Variants in DLGAP4 observed in about 807,000 individuals in gnomAD.
DLGAP4 encodes the protein disks large-associated protein 4.
In DLGAP4, 18 loss-of-function variants were observed where a neutral mutation model predicts 86.9. The observed-to-expected ratio is 0.21, with a 90% CI of 0.14 to 0.31. The LOEUF is 0.31. Among genes scored for constraint, DLGAP4 ranks in the 10% least tolerant of loss-of-function variants. The probability of loss-of-function intolerance (pLI) is 1.00; values close to 1 mark genes in which losing one functional copy is unlikely to be tolerated. For missense variants in DLGAP4, 1,085 were observed against 1,362.6 expected (o/e 0.80, Z 3.21); for synonymous variants, 548 against 574.3 (o/e 0.95, Z 0.65).
At position 36,308,816 on chromosome 20, in the gene DLGAP4, A is replaced by C. The variant is rs1569449679; in HGVS notation, c.-304+2304A>C. On this transcript the variant is annotated intron_variant, in intron 1 of 12. Transcript: ENST00000339266. The surrounding 1 kb of genome is among the most constrained non-coding windows in gnomAD (Gnocchi z 4.5). ...AAGCATTAGAAAATCGCATTTGCTA[A>C]CATCAGTGCATTTGAACACTTTCAT... 1.3e-5 allele frequency among the ~76,000 whole-genome samples: 2 copies of C among 152,224 alleles called. No homozygotes were observed. The highest frequency in any genetic ancestry group is 4.8e-5 in the African/African-American group (2 of 41,454).
intron 2 of DLGAP4, among the ~76,000 whole-genome samples, chr20:36,396,352 CATACCACACGCACATA>C (rs2031957319): frequency 7.3e-6 from 1 of 137,882 alleles, no homozygotes; most frequent in Non-Finnish European, 1.6e-5. Flanking sequence ...CACACACACA[CATACCACACGCACATA>C]CACACACCCC....
At chr20:36,388,124 A>T (rs548294797) in intron 2 of DLGAP4, among the ~76,000 whole-genome samples, 55 of 152,324 alleles carry the variant, frequency 3.6e-4, no homozygotes, top group Non-Finnish European at 6.9e-4. Flanking sequence ...TCCCTTGGCT[A>T]TTGAGAACTG....
intron 7 of DLGAP4, chr20:36,461,751 G>GCCCCCCC: frequency 1.6e-6 from 1 of 618,852 alleles, no homozygotes; most frequent in Non-Finnish European, 1.9e-6. Context: ...CCGTCCGTCC[G>GCCCCCCC]CCCGCCCGCC....
chr20:36,346,614 G>T (rs1003622670), intron 1 of DLGAP4, among the ~76,000 whole-genome samples: 1 of 152,104 alleles, frequency 6.6e-6, no homozygotes, highest in Non-Finnish European at 1.5e-5. Flanking sequence ...AAGTAGGTGG[G>T]ATTTATCTGG....
Position 36,381,724 on chromosome 20 carries a change from CT to C in DLGAP4, c.-73+14451del, listed in dbSNP as rs2147445399. On this transcript the variant is annotated intron_variant, in intron 2 of 12. Transcript: ENST00000339266. ...CCTTCCCCGGGCTTCCATTTCCTTA[CT>C]TATATGACAGGTATGATGGGTCCTG... is the stretch of plus-strand genomic sequence containing the variant. Among the ~76,000 whole-genome samples the C allele has an allele frequency of 1.3e-5, 2 of 152,234 alleles. 1 individual carries two copies. The highest frequency in any genetic ancestry group is 4.8e-5 in the African/African-American group (2 of 41,538).
chr20:36,467,983 A>G (rs2034492709), intron 7 of DLGAP4, among the ~76,000 whole-genome samples: 1 of 152,226 alleles, frequency 6.6e-6, no homozygotes, highest in African/African-American at 2.4e-5. Context: ...GCTTCTTGGA[A>G]AGGGAACTCC....
In DLGAP4 at chr20:36,340,414, C is replaced by T. The variant is rs189242783; in HGVS notation, c.-303-26631C>T. On this transcript the variant is annotated intron_variant, in intron 1 of 12. Transcript: ENST00000339266. ...CTGCTTCTCGGGAGAGACCCGTGCA[C>T]GGGTCTCCAGTGACTCACCCTCTCC... 4.1e-3 allele frequency among the ~76,000 whole-genome samples: 621 copies of T among 152,168 alleles called. 5 individuals carry two copies. The highest frequency in any genetic ancestry group is 0.014 in the African/African-American group (602 of 41,536).
At chr20:36,482,638 A>C (rs2035237669) in intron 7 of DLGAP4, among the ~76,000 whole-genome samples, 1 of 152,030 alleles carries the variant, frequency 6.6e-6, no homozygotes, top group Non-Finnish European at 1.5e-5. Context: ...TCTCCTGCTT[A>C]CTAGCACCTG....
intron 2 of DLGAP4, among the ~76,000 whole-genome samples, chr20:36,387,880 G>A (rs553134206): frequency 5.9e-5 from 9 of 151,944 alleles, no homozygotes; most frequent in East Asian, 5.8e-4. Context: ...TGTCTATTTC[G>A]GTTCTACACT....
intron 10 of DLGAP4, among the ~76,000 whole-genome samples, chr20:36,523,089 T>A (rs867864856): frequency 6.6e-6 from 1 of 152,120 alleles, no homozygotes; most frequent in Non-Finnish European, 1.5e-5. Flanking sequence ...GCCAGTACTT[T>A]ATGATTTTTT....
intron 7 of DLGAP4, among the ~76,000 whole-genome samples, chr20:36,458,800 A>C (rs969560916): frequency 6.6e-6 from 1 of 152,134 alleles, no homozygotes; most frequent in Non-Finnish European, 1.5e-5. Context: ...TACCAGGGTG[A>C]TGATGGTGGC....
intron 1 of DLGAP4, among the ~76,000 whole-genome samples, chr20:36,343,410 C>T (rs1407104980): frequency 6.6e-6 from 1 of 152,064 alleles, no homozygotes; most frequent in Non-Finnish European, 1.5e-5. Context: ...ACACCAGGGC[C>T]CAGGAACCGT....
Position 36,499,654 on chromosome 20 carries a change from G to A in DLGAP4, c.2077G>A (p.Val693Ile), listed in dbSNP as rs763050192. Reference protein sequence around the residue: ...SPATKFQSIGVQVEDDWRSSV... With the variant: ...SPATKFQSIGIQVEDDWRSSV... ...CGCTACCAAATTCCAGTCCATCGGG[G>A]TTCAGGTAGAGGACGACTGGCGGTA... Residue 693 changes from valine (V) to isoleucine (I), a missense_variant, in exon 9 of 13, where the codon GTT (valine) becomes ATT (isoleucine). Val to Ile is a conservative substitution (Grantham distance 29). Transcript: ENST00000339266. 1.9e-6 allele frequency: 3 copies of A among 1,613,750 alleles called. No homozygotes were observed. Among genetic ancestry groups the A allele is most frequent in the African/African-American group, 2.7e-5 (2 of 74,930 alleles).
intron 8 of DLGAP4, chr20:36,498,306 C>T (rs865817822): frequency 4.6e-4 from 70 of 152,378 alleles, no homozygotes; most frequent in African/African-American, 1.5e-3. Context: ...TCTTAAGTGT[C>T]CAGTCCCTGC....
chr20:36,370,249 C>G (rs2030871270), intron 2 of DLGAP4, among the ~76,000 whole-genome samples: 1 of 151,774 alleles, frequency 6.6e-6, no homozygotes, highest in Non-Finnish European at 1.5e-5. Flanking sequence ...CCTGTAATCC[C>G]AGCACTTTGG....
intron 2 of DLGAP4, among the ~76,000 whole-genome samples, chr20:36,426,574 A>T (rs1022778681): frequency 6.6e-6 from 1 of 152,228 alleles, no homozygotes. Context: ...AAGGAGGAGA[A>T]AAGAAGTTTT....
rs751640475 is a variant in DLGAP4 at position 36,499,683 on chromosome 20, C to A, written c.2099+7C>A. Reference sequence around the variant, plus strand: ...AGGTAGAGGACGACTGGCGGTAAGTCGGACAGAGGTGGCGGCTGCTTCTCC... The same window carrying A: ...AGGTAGAGGACGACTGGCGGTAAGTAGGACAGAGGTGGCGGCTGCTTCTCC... On this transcript the variant is annotated splice_region_variant and intron_variant, in intron 9 of 12. Transcript: ENST00000339266. The A allele has an allele frequency of 1.9e-6, 3 of 1,612,556 alleles. No individual in the cohort carries two copies. Among genetic ancestry groups the A allele is most frequent in the Non-Finnish European group, 2.5e-6 (3 of 1,179,378 alleles).
At chr20:36,336,784 T>G (rs1488040340) in intron 1 of DLGAP4, among the ~76,000 whole-genome samples, 1 of 152,156 alleles carries the variant, frequency 6.6e-6, no homozygotes, top group Non-Finnish European at 1.5e-5. Context: ...CCCTTGACTG[T>G]GGCCTTGCAT....
chr20:36,452,339 T>C (rs2033758337), intron 7 of DLGAP4, among the ~76,000 whole-genome samples: 1 of 151,926 alleles, frequency 6.6e-6, no homozygotes, highest in African/African-American at 2.4e-5. Flanking sequence ...GTACCATGCC[T>C]GGCTAATTTT....
Sources: allele counts gnomAD v4.1 joint callset (sites outside exome capture counted in the v4.1 genomes callset), GRCh38; gene constraint gnomAD v4.1.1; non-coding constraint Gnocchi (gnomAD v3.1); transcripts MANE v1.5; gene names NCBI Gene and HGNC (gene_info 2026-07-23, HGNC 2026-07-21).